DGKB: variants seen among roughly 807,000 people sequenced by gnomAD.
DGKB encodes diacylglycerol kinase beta, also known as 90 kDa diacylglycerol kinase.
DGKB carries 67 observed loss-of-function variants against 114.3 expected under a neutral mutation model. The ratio of observed to expected loss-of-function variants is 0.59; its 90% CI spans 0.48 to 0.72. DGKB has a LOEUF of 0.72. DGKB is among the 30% of genes least tolerant of loss of function. The probability of loss-of-function intolerance (pLI) is 0.00; values close to 1 mark genes in which losing one functional copy is unlikely to be tolerated. For missense variants in DGKB, 907 were observed against 975.2 expected, an observed-to-expected ratio of 0.93 and a Z score of 0.93; for synonymous variants, 398 against 323.1, an observed-to-expected ratio of 1.23 and a Z score of -2.49.
intron 2 of DGKB, among the ~76,000 whole-genome samples, chr7:14,796,001 C>T (rs932525148): frequency 6.6e-6 from 1 of 152,072 alleles, no homozygotes. Context: ...TTGAAAATAA[C>T]CCTTATCTCT....
At chr7:14,822,502 T>C (rs1200289426) in intron 2 of DGKB, among the ~76,000 whole-genome samples, 1 of 152,100 alleles carries the variant, frequency 6.6e-6, no homozygotes, top group Non-Finnish European at 1.5e-5. Context: ...TTTGAAGAGC[T>C]CAGGTAATGA....
intron 23 of DGKB, among the ~76,000 whole-genome samples, chr7:14,231,003 G>A (rs1038589406): frequency 6.6e-6 from 1 of 151,928 alleles, no homozygotes; most frequent in East Asian, 1.9e-4. Context: ...GGAGGACAAG[G>A]GCTAAGTCCC....
chr7:14,875,664 G>C (rs6975734), intron 1 of DGKB, among the ~76,000 whole-genome samples: 1 of 151,876 alleles, frequency 6.6e-6, no homozygotes, highest in Non-Finnish European at 1.5e-5. Flanking sequence ...AACACTTTGC[G>C]TATTTGTGTG....
chr7:14,505,377 C>T (rs894753048), intron 20 of DGKB, among the ~76,000 whole-genome samples: 2 of 151,874 alleles, frequency 1.3e-5, no homozygotes, highest in Non-Finnish European at 2.9e-5. Flanking sequence ...TTGGTTGAGC[C>T]CAGGAGGCAG....
rs1490500605 is a variant in DGKB, at chr7:14,334,302, C to A, written c.2122+4213G>T. Among the ~76,000 whole-genome samples, 4 of 151,236 alleles carry A rather than the reference C, an allele frequency of 2.6e-5. No homozygotes were observed. The East Asian group carries it at 7.7e-4, about 29-fold the overall frequency. On this transcript the variant is annotated intron_variant, in intron 23 of 25. Transcript: ENST00000402815. Reference sequence around the variant, plus strand: ...AAGACATATTTTTAAATGTCCATTGCAGATCTATAGACTTTCCAGTCAATG... The same window carrying A: ...AAGACATATTTTTAAATGTCCATTGAAGATCTATAGACTTTCCAGTCAATG...
chr7:14,704,503 A>C (rs946676144), intron 6 of DGKB, among the ~76,000 whole-genome samples: 3 of 151,842 alleles, frequency 2.0e-5, no homozygotes, highest in African/African-American at 4.8e-5. Context: ...AGATGGCCGA[A>C]TAGGAACAGC....
At chr7:14,804,221 T>A (rs1477813156) in intron 2 of DGKB, among the ~76,000 whole-genome samples, 1 of 152,004 alleles carries the variant, frequency 6.6e-6, no homozygotes, top group Non-Finnish European at 1.5e-5. Flanking sequence ...TTAATTTGCT[T>A]GACAATTTTG....
chr7:14,379,930 G>A (rs190035003), intron 21 of DGKB, among the ~76,000 whole-genome samples: 5 of 147,972 alleles, frequency 3.4e-5, no homozygotes, highest in Non-Finnish European at 6.0e-5. Context: ...GAGCGGGCCC[G>A]GCCTTAAGCA....
chr7:14,296,946 G>T (rs1231486258), intron 23 of DGKB, among the ~76,000 whole-genome samples: 1 of 151,878 alleles, frequency 6.6e-6, no homozygotes, highest in East Asian at 1.9e-4. Flanking sequence ...AAATAAACTA[G>T]AAAAACTAGA....
intron 1 of DGKB, among the ~76,000 whole-genome samples, chr7:14,911,683 T>G (rs1784012943): frequency 6.6e-6 from 1 of 152,300 alleles, no homozygotes; most frequent in South Asian, 2.1e-4. Flanking sequence ...GATGTATGTG[T>G]CCACCTGCGG....
intron 23 of DGKB, among the ~76,000 whole-genome samples, chr7:14,271,540 A>C (rs1192230123): frequency 6.6e-6 from 1 of 152,162 alleles, no homozygotes. Flanking sequence ...TTCCATTACT[A>C]ATTTATCAGG....
At chr7:14,853,747 A>C (rs1849715580) in intron 1 of DGKB, among the ~76,000 whole-genome samples, 1 of 151,672 alleles carries the variant, frequency 6.6e-6, no homozygotes, top group African/African-American at 2.4e-5. Context: ...GGGCGCCTGT[A>C]GTCCCAGCTA....
At chr7:14,700,917 A>G (rs1233188053) in intron 7 of DGKB, among the ~76,000 whole-genome samples, 1 of 152,192 alleles carries the variant, frequency 6.6e-6, no homozygotes, top group Non-Finnish European at 1.5e-5. Flanking sequence ...ATAATATAAT[A>G]TGCAAAATAT....
At chr7:14,832,477 T>C (rs1273846840) in intron 2 of DGKB, among the ~76,000 whole-genome samples, 1 of 152,014 alleles carries the variant, frequency 6.6e-6, no homozygotes, top group Admixed American at 6.6e-5. Context: ...ACATGTGTTC[T>C]CTCTGTCTTT....
intron 23 of DGKB, among the ~76,000 whole-genome samples, chr7:14,261,082 A>G (rs140245107): frequency 1.8e-4 from 27 of 152,270 alleles, no homozygotes; most frequent in African/African-American, 5.5e-4. Context: ...ATATAAGAAA[A>G]CATAAAAAAA....
intron 20 of DGKB, among the ~76,000 whole-genome samples, chr7:14,520,233 G>A (rs1789540446): frequency 8.7e-6 from 1 of 114,412 alleles, no homozygotes; most frequent in South Asian, 2.8e-4. Flanking sequence ...TTTTGCAGGA[G>A]GCAGCCTAAC....
intron 20 of DGKB, among the ~76,000 whole-genome samples, chr7:14,556,804 G>A (rs911369278): frequency 6.6e-6 from 1 of 152,048 alleles, no homozygotes; most frequent in Non-Finnish European, 1.5e-5. Context: ...TGGAAGCTAT[G>A]GTTATGAGGT....
intron 1 of DGKB, among the ~76,000 whole-genome samples, chr7:14,940,410 T>A (rs1785509146): frequency 6.6e-6 from 1 of 152,122 alleles, no homozygotes; most frequent in South Asian, 2.1e-4. Context: ...TGAGTACAAT[T>A]TTTTTGTACT....
intron 23 of DGKB, among the ~76,000 whole-genome samples, chr7:14,282,047 C>T (rs1206886574): frequency 1.1e-5 from 1 of 88,012 alleles, no homozygotes; most frequent in Non-Finnish European, 2.3e-5. Flanking sequence ...CACAAAAAAC[C>T]CTTCAAAAAA....
Sources: allele counts gnomAD v4.1 joint callset (sites outside exome capture counted in the v4.1 genomes callset), GRCh38; gene constraint gnomAD v4.1.1; transcripts MANE v1.5; gene names NCBI Gene and HGNC (gene_info 2026-07-23, HGNC 2026-07-21).